NAPG: variants seen among roughly 807,000 people sequenced by gnomAD.
NAPG encodes gamma-soluble NSF attachment protein.
A neutral mutation model predicts 48.4 loss-of-function variants in NAPG; 25 were observed. The ratio of observed to expected loss-of-function variants is 0.52; its 90% CI spans 0.38 to 0.72. The LOEUF (loss-of-function observed/expected upper bound fraction) is 0.72. NAPG is among the 30% of genes least tolerant of loss of function. NAPG has a pLI of 0.00. For missense variants in NAPG, 359 were observed against 372.5 expected (o/e 0.96, Z 0.30); for synonymous variants, 139 against 127.2 (o/e 1.09, Z -0.62).
At chr18:10,535,917 A>G (rs1458114591) in intron 5 of NAPG, among the ~76,000 whole-genome samples, 1 of 152,210 alleles carries the variant, frequency 6.6e-6, no homozygotes, top group Non-Finnish European at 1.5e-5. Context: ...AGTTCCTTTG[A>G]AACCATAGAG....
rs1381710117 is a variant in NAPG, at chr18:10,546,689, A to G, written c.585+285A>G. 6.6e-6 allele frequency among the ~76,000 whole-genome samples: 1 copy of G among 152,220 alleles called. No individual in the cohort carries two copies. Among genetic ancestry groups the G allele is most frequent in the Non-Finnish European group, 1.5e-5 (1 of 68,036 alleles). On this transcript the variant is annotated intron_variant, in intron 9 of 11. Transcript: ENST00000322897. This position sits in a 1 kb window ranked among gnomAD's most constrained non-coding sequence, Gnocchi z 4.0. The stretch of plus-strand genomic sequence containing the variant: ...GCAAACACGTGGAGAAACAACCACC[A>G]TGGGAATGAGTTTCTCGGGTTTTTT...
At position 10,534,626 on chromosome 18, in the gene NAPG, G is replaced by C; in HGVS notation, c.258+130G>C. 3.9e-6 allele frequency: 3 copies of C among 775,734 alleles called. No individual in the cohort carries two copies. Among genetic ancestry groups the C allele is most frequent in the Non-Finnish European group, 6.6e-6 (3 of 454,016 alleles). The allele number at this position is 775,734 out of a possible 1,614,324, so 48.1% of individuals were successfully genotyped here. ...AAGAGGTGCTAAGTTAAGATTTTCT[G>C]TCCACGGTAACGTTAATTGGACCCA... On this transcript the variant is annotated intron_variant, in intron 5 of 11. Coordinates refer to ENST00000322897, the MANE Select transcript of NAPG (RefSeq NM_003826.3). This position sits in a 1 kb window ranked among gnomAD's most constrained non-coding sequence, Gnocchi z 5.0.
At position 10,540,341 on chromosome 18, in the gene NAPG, T is replaced by G. The variant is rs373778163; in HGVS notation, c.448T>G (p.Leu150Val). The part of the protein sequence containing the change: ...TANVFENEER[L>V]RQAVELLGKA... ...TTGATTCCTTCAGAATGAAGAACGC[T>G]TACGACAGGCAGTTGAATTACTAGG... Residue 150 changes from leucine (L) to valine (V), a missense_variant, in exon 8 of 12, where the codon TTA becomes GTA. Physicochemically the swap from Leu to Val is conservative, Grantham distance 32 (BLOSUM62 1). Coordinates refer to ENST00000322897, the MANE Select transcript of NAPG (RefSeq NM_003826.3). 5 of 1,613,668 alleles carry G rather than the reference T, an allele frequency of 3.1e-6. No individual in the cohort carries two copies. The African/African-American group carries it at 5.3e-5, about 17-fold the overall frequency.
intron 1 of NAPG, among the ~76,000 whole-genome samples, chr18:10,530,217 T>G (rs1266295631): frequency 2.0e-5 from 2 of 102,526 alleles, no homozygotes; most frequent in East Asian, 3.2e-4. Flanking sequence ...TTTTTTTTTT[T>G]GCCTACTTCC....
At chr18:10,547,944 A>G (rs2032303018) in intron 9 of NAPG, among the ~76,000 whole-genome samples, 1 of 152,006 alleles carries the variant, frequency 6.6e-6, no homozygotes, top group Non-Finnish European at 1.5e-5. Context: ...ACTTTTCAAG[A>G]TTGAATCTGT....
chr18:10,537,642 T>C, intron 5 of NAPG, among the ~76,000 whole-genome samples: 1 of 152,232 alleles, frequency 6.6e-6, no homozygotes, highest in East Asian at 1.9e-4. Flanking sequence ...CTAATGTGTC[T>C]GAGAGAGATT....
chr18:10,526,489 T>C, intron 1 of NAPG: 1 of 321,430 alleles, frequency 3.1e-6, no homozygotes, highest in Non-Finnish European at 5.8e-6. Context: ...GGGGGCTGTC[T>C]GTGCATCGGA....
Position 10,546,417 on chromosome 18 carries a change from AGT to A in NAPG, c.585+16_585+17del, listed in dbSNP as rs1240530000. On this transcript the variant is annotated intron_variant, in intron 9 of 11. Coordinates refer to ENST00000322897, the MANE Select transcript of NAPG (RefSeq NM_003826.3). This position sits in a 1 kb window ranked among gnomAD's most constrained non-coding sequence, Gnocchi z 4.0. ...AACTTGTTATAAGGTATTCTTTGAA[AGT>A]GTTTGTTTTTGGTATTACATTAGAT... The A allele has an allele frequency of 6.8e-7, 1 of 1,474,372 alleles. No homozygotes were observed. Among genetic ancestry groups the A allele is most frequent in the Admixed American group, 2.0e-5 (1 of 49,178 alleles). 91.3% of individuals were successfully genotyped at this position (1,474,372 alleles called of 1,614,324 possible). A position where few individuals can be genotyped will look rare whatever the true frequency, so the allele number is the denominator to read the frequency against.
rs1191486873 is a variant in NAPG at position 10,543,514 on chromosome 18, A to G, written c.507-2812A>G. On this transcript the variant is annotated intron_variant, in intron 8 of 11. Transcript: ENST00000322897. The surrounding 1 kb of genome is among the most constrained non-coding windows in gnomAD (Gnocchi z 4.4). ...ACTTAGCTGGGAATATGACACATAA[A>G]CTAAACATTTCTGTAGGTAGTTAAA... Among the ~76,000 whole-genome samples the G allele has an allele frequency of 3.3e-5, 5 of 152,254 alleles. No homozygotes were observed. The highest frequency in any genetic ancestry group is 1.9e-4 in the East Asian group (1 of 5,200).
intron 7 of NAPG, 52 bp from the exon 8 acceptor site, chr18:10,540,277 A>C: frequency 6.6e-7 from 1 of 1,508,904 alleles, no homozygotes; most frequent in Non-Finnish European, 9.2e-7. Context: ...TAGGGGATAA[A>C]AACATTTCAA....
chr18:10,545,815 T>C (rs1458532381), intron 8 of NAPG, among the ~76,000 whole-genome samples: 1 of 152,206 alleles, frequency 6.6e-6, no homozygotes, highest in Non-Finnish European at 1.5e-5. Flanking sequence ...CAGGAAGGCT[T>C]TTGTTTAGGT....
rs2032394686 is a variant in NAPG at position 10,551,565 on chromosome 18, A to G, written c.*1345A>G. On this transcript the variant is annotated 3_prime_UTR_variant, in exon 12 of 12. Transcript: ENST00000322897. ...GTAATCTGTTAATTGGAAAGAGGCT[A>G]CAGACACCAGCAGTGTGCGTTCTGC... 6.6e-6 allele frequency: 1 copy of G among 152,224 alleles called. No individual in the cohort carries two copies. The highest frequency in any genetic ancestry group is 1.5e-5 in the Non-Finnish European group (1 of 68,042). The allele number at this position is 152,224 out of a possible 1,614,324, so 9.4% of individuals were successfully genotyped here.
At chr18:10,536,633 T>C (rs945059662) in intron 5 of NAPG, among the ~76,000 whole-genome samples, 6 of 152,196 alleles carry the variant, frequency 3.9e-5, no homozygotes, top group Non-Finnish European at 7.3e-5. Context: ...ACAGCCTCAC[T>C]TGATTTTACG....
At chr18:10,547,157 A>G (rs935759278) in intron 9 of NAPG, among the ~76,000 whole-genome samples, 5 of 152,224 alleles carry the variant, frequency 3.3e-5, no homozygotes, top group Non-Finnish European at 7.3e-5. Context: ...GAAGTGTTGC[A>G]CTGCCCTCTG....
intron 1 of NAPG, chr18:10,526,409 CG>C: frequency 1.9e-6 from 1 of 525,396 alleles, no homozygotes; most frequent in Non-Finnish European, 3.4e-6. Flanking sequence ...CCGGTGTGGG[CG>C]GGGACTCGGC....
rs1426159687 is a variant in NAPG at position 10,530,762 on chromosome 18, C to A, written c.57-8C>A. 2.0e-6 allele frequency: 3 copies of A among 1,533,758 alleles called. No homozygotes were observed. Among genetic ancestry groups the A allele is most frequent in the South Asian group, 2.5e-5 (2 of 78,886 alleles). On this transcript the variant is annotated splice_polypyrimidine_tract_variant and splice_region_variant and intron_variant, in intron 1 of 11. Coordinates refer to ENST00000322897, the MANE Select transcript of NAPG (RefSeq NM_003826.3). ...TAACTCCTGTTAACTGTGTTTTTTT[C>A]ATTCTAGCCTGAAAACTGGTTTTTT...
chr18:10,550,091 C>T lies in NAPG; in HGVS notation c.810C>T (p.Gly270=). 6.4e-7 allele frequency: 1 copy of T among 1,563,792 alleles called. No homozygotes were observed. Among genetic ancestry groups the T allele is most frequent in the East Asian group, 2.5e-5 (1 of 40,538 alleles). ...KYMDNDYAKL[G]LSLVVPGGGI... The stretch of plus-strand genomic sequence containing the variant: ...GTTGTTGACAGTATGCTAAGCTGGG[C>T]CTGAGTTTGGTGGTTCCAGGAGGGG... Residue 270 remains glycine (G), a synonymous_variant, in exon 12 of 12, where the codon GGC becomes GGT. Transcript: ENST00000322897.
rs1205490190 is a variant in NAPG, at chr18:10,544,265, TCA to T, written c.507-2058_507-2057del. Among the ~76,000 whole-genome samples, 1 of 152,210 alleles carries T rather than the reference TCA, an allele frequency of 6.6e-6. No homozygotes were observed. Among genetic ancestry groups the T allele is most frequent in the Non-Finnish European group, 1.5e-5 (1 of 68,040 alleles). ...CTTAAAACAGTACTCACTGATTAGCTCACAGTTTCATGAGGCCAGAAGTCTGG... is the reference window on the plus strand; with the variant it reads ...CTTAAAACAGTACTCACTGATTAGCTCAGTTTCATGAGGCCAGAAGTCTGG... On this transcript the variant is annotated intron_variant, in intron 8 of 11. Coordinates refer to ENST00000322897, the MANE Select transcript of NAPG (RefSeq NM_003826.3). The surrounding 1 kb of genome is among the most constrained non-coding windows in gnomAD (Gnocchi z 5.1).
chr18:10,548,259 A>G lies in NAPG; in HGVS notation c.586-40A>G. 2 of 1,462,256 alleles carry G rather than the reference A, an allele frequency of 1.4e-6. No homozygotes were observed. The highest frequency in any genetic ancestry group is 2.3e-5 in the South Asian group (2 of 87,692). The allele number at this position is 1,462,256 out of a possible 1,614,324, so 90.6% of individuals were successfully genotyped here. A position where few individuals can be genotyped will look rare whatever the true frequency, so the allele number is the denominator to read the frequency against. On this transcript the variant is annotated intron_variant, in intron 9 of 11. Coordinates refer to ENST00000322897, the MANE Select transcript of NAPG (RefSeq NM_003826.3). This position sits in a 1 kb window ranked among gnomAD's most constrained non-coding sequence, Gnocchi z 4.4. Reference sequence around the variant, plus strand: ...ACTGCCAGGTTATTGACTTTATTAAACAGATGTAAATTTGACCATGATCCT... The same window carrying G: ...ACTGCCAGGTTATTGACTTTATTAAGCAGATGTAAATTTGACCATGATCCT...
Sources: allele counts gnomAD v4.1 joint callset (sites outside exome capture counted in the v4.1 genomes callset), GRCh38; gene constraint gnomAD v4.1.1; non-coding constraint Gnocchi (gnomAD v3.1); transcripts MANE v1.5; gene names NCBI Gene and HGNC (gene_info 2026-07-23, HGNC 2026-07-21).